SNX25: variants seen among roughly 807,000 people sequenced by gnomAD.
SNX25 encodes the protein sorting nexin 25.
SNX25 carries 62 observed loss-of-function variants against 113.7 expected under a neutral mutation model. The observed-to-expected ratio is 0.55, with a 90% CI of 0.44 to 0.67. The LOEUF (loss-of-function observed/expected upper bound fraction) is 0.67, where lower values mean the gene tolerates loss of function less well. Ranked by LOEUF, SNX25 falls within the 30% of genes least tolerant of loss-of-function variation. The pLI is 0.00. For synonymous variants in SNX25, 421 were observed against 436.2 expected (o/e 0.97, Z 0.43); for missense variants, 1,014 against 1,161.0 (o/e 0.87, Z 1.84).
intron 1 of SNX25, among the ~76,000 whole-genome samples, chr4:185,213,543 T>C (rs1738278141): frequency 6.6e-6 from 1 of 152,174 alleles, no homozygotes; most frequent in South Asian, 2.1e-4. Context: ...GCCAGCCTGC[T>C]GTTGGGGTTG....
rs956084111 is a variant in SNX25, at chr4:185,232,475, G to A, written c.430-14819G>A. Among the ~76,000 whole-genome samples, 14 of 152,014 alleles carry A rather than the reference G, an allele frequency of 9.2e-5. No homozygotes were observed. Among genetic ancestry groups the A allele is most frequent in the Non-Finnish European group, 1.5e-4 (10 of 68,030 alleles). Reference sequence around the variant, plus strand: ...TCATGACTTTCTAGGTGCATGAGCCGTGCAGTTTGTCATGTCCACAGGCCG... The same window carrying A: ...TCATGACTTTCTAGGTGCATGAGCCATGCAGTTTGTCATGTCCACAGGCCG... On this transcript the variant is annotated intron_variant, in intron 1 of 18. Transcript: ENST00000652585. This position sits in a 1 kb window ranked among gnomAD's most constrained non-coding sequence, Gnocchi z 4.4.
At position 185,334,503 on chromosome 4, in the gene SNX25, C is replaced by T. The variant is rs548449000; in HGVS notation, c.1914+1744C>T. ...GAAAGCCTGATAGTCTTCCCAGTGA[C>T]AAGAACATGTCTGAGATGATAAACA... On this transcript the variant is annotated intron_variant, in intron 10 of 18. Coordinates refer to ENST00000652585, the MANE Select transcript of SNX25 (RefSeq NM_001378034.2). This position sits in a 1 kb window ranked among gnomAD's most constrained non-coding sequence, Gnocchi z 4.2. 7.2e-5 allele frequency among the ~76,000 whole-genome samples: 11 copies of T among 152,316 alleles called. No homozygotes were observed. Among genetic ancestry groups the T allele is most frequent in the Admixed American group, 2.0e-4 (3 of 15,304 alleles).
chr4:185,341,943 T>C lies in SNX25; in HGVS notation c.2047-33T>C, dbSNP rs372047888. On this transcript the variant is annotated intron_variant, in intron 11 of 18. Transcript: ENST00000652585. ...CCTTCTGCATCCATTCACCATGCTTTTTGTAAGTATCGATTTTGATGTTTT... is the reference window on the plus strand; with the variant it reads ...CCTTCTGCATCCATTCACCATGCTTCTTGTAAGTATCGATTTTGATGTTTT... 3 of 1,557,254 alleles carry C rather than the reference T, an allele frequency of 1.9e-6. No homozygotes were observed. The African/African-American group carries it at 4.1e-5, about 21-fold the overall frequency.
intron 1 of SNX25, among the ~76,000 whole-genome samples, chr4:185,219,654 T>A (rs1189397487): frequency 6.6e-6 from 1 of 152,240 alleles, no homozygotes; most frequent in Non-Finnish European, 1.5e-5. Flanking sequence ...AGGCAGCATC[T>A]TCTTTTTTCT....
intron 7 of SNX25, among the ~76,000 whole-genome samples, chr4:185,311,439 G>A (rs1194805830): frequency 6.6e-6 from 1 of 152,176 alleles, no homozygotes; most frequent in African/African-American, 2.4e-5. Context: ...TTAGGGAAGT[G>A]TTTTAGCCCT....
chr4:185,293,587 C>T (rs1345622282), intron 6 of SNX25, among the ~76,000 whole-genome samples: 1 of 152,018 alleles, frequency 6.6e-6, no homozygotes, highest in African/African-American at 2.4e-5. Flanking sequence ...GTGTATGTTG[C>T]TAAGATGTTT....
downstream of SNX25, among the ~76,000 whole-genome samples, chr4:185,374,734 C>G (rs892978141): frequency 6.6e-6 from 1 of 152,154 alleles, no homozygotes; most frequent in Non-Finnish European, 1.5e-5. Flanking sequence ...TGATTTAAGT[C>G]TCGATATGGG....
chr4:185,213,810 G>A (rs1287885893), intron 1 of SNX25, among the ~76,000 whole-genome samples: 3 of 152,174 alleles, frequency 2.0e-5, no homozygotes, highest in Non-Finnish European at 4.4e-5. Context: ...TCTCACAGTG[G>A]AAAAGAGGAC....
At chr4:185,374,478 A>T (rs753634565), downstream of SNX25, 1 of 1,605,152 alleles carries the variant, frequency 6.2e-7, no homozygotes, top group South Asian at 1.1e-5. Flanking sequence ...CAAAAGAAAG[A>T]GCAAAAAAAC....
chr4:185,263,486 T>C (rs945051195), intron 3 of SNX25, among the ~76,000 whole-genome samples: 1 of 152,202 alleles, frequency 6.6e-6, no homozygotes, highest in African/African-American at 2.4e-5. Context: ...CACATTAGGA[T>C]AGAATTCCTT....
chr4:185,354,239 T>C lies in SNX25; in HGVS notation c.2584+637T>C, dbSNP rs143295393. Among the ~76,000 whole-genome samples, 246 of 152,358 alleles carry C rather than the reference T, an allele frequency of 1.6e-3. 1 individual carries two copies. In the East Asian group the frequency reaches 0.028, roughly 18 times the overall value. ...TCCATTGCCTTGTCACTAAAAGTTATACAGAAAACTGTTTTGCTTAGCACA... is the reference window on the plus strand; with the variant it reads ...TCCATTGCCTTGTCACTAAAAGTTACACAGAAAACTGTTTTGCTTAGCACA... On this transcript the variant is annotated intron_variant, in intron 15 of 18. Coordinates refer to ENST00000652585, the MANE Select transcript of SNX25 (RefSeq NM_001378034.2).
chr4:185,263,084 C>T (rs947432206), intron 3 of SNX25, among the ~76,000 whole-genome samples: 2 of 152,206 alleles, frequency 1.3e-5, no homozygotes, highest in African/African-American at 2.4e-5. Flanking sequence ...AGTATTTTCC[C>T]TAACTTAGCT....
chr4:185,342,430 T>C (rs1313859455), intron 12 of SNX25, among the ~76,000 whole-genome samples: 1 of 152,236 alleles, frequency 6.6e-6, no homozygotes, highest in Non-Finnish European at 1.5e-5. Flanking sequence ...TGAAATCAGT[T>C]GTGAGTTGCA....
intron 6 of SNX25, among the ~76,000 whole-genome samples, chr4:185,289,174 A>T (rs1007586432): frequency 6.6e-6 from 1 of 152,216 alleles, no homozygotes; most frequent in Non-Finnish European, 1.5e-5. Flanking sequence ...AGCAGTGTTT[A>T]CTGAGCACCT....
At chr4:185,330,445 A>T (rs2095186383) in intron 9 of SNX25, among the ~76,000 whole-genome samples, 2 of 152,126 alleles carry the variant, frequency 1.3e-5, no homozygotes, top group Non-Finnish European at 2.9e-5. Context: ...GTCAAGGGAA[A>T]CTTTAAAATG....
chr4:185,284,630 G>A (rs1472710211), intron 5 of SNX25, among the ~76,000 whole-genome samples: 1 of 152,186 alleles, frequency 6.6e-6, no homozygotes, highest in Non-Finnish European at 1.5e-5. Flanking sequence ...AAGTTGTGAA[G>A]GGAACGTAGG....
rs572995328 is a variant in SNX25 at position 185,232,274 on chromosome 4, C to A, written c.430-15020C>A. On this transcript the variant is annotated intron_variant, in intron 1 of 18. Transcript: ENST00000652585. This position sits in a 1 kb window ranked among gnomAD's most constrained non-coding sequence, Gnocchi z 4.4. The stretch of plus-strand genomic sequence containing the variant: ...AGCACACAAGTCCCCTTGCCCAGTT[C>A]CTCATTGGTCTAGTACTACGGGGTT... 6.6e-6 allele frequency among the ~76,000 whole-genome samples: 1 copy of A among 152,272 alleles called. No individual in the cohort carries two copies. The highest frequency in any genetic ancestry group is 6.5e-5 in the Admixed American group (1 of 15,288).
At chr4:185,314,229 C>T (rs2095052210) in intron 7 of SNX25, among the ~76,000 whole-genome samples, 1 of 148,134 alleles carries the variant, frequency 6.8e-6, no homozygotes, top group Non-Finnish European at 1.5e-5. Flanking sequence ...GGGGCTCATG[C>T]TGGTAATTCC....
Position 185,334,648 on chromosome 4 carries a change from A to G in SNX25, c.1914+1889A>G, listed in dbSNP as rs1448332619. Among the ~76,000 whole-genome samples the G allele has an allele frequency of 6.6e-6, 1 of 152,264 alleles. No homozygotes were observed. The highest frequency in any genetic ancestry group is 2.4e-5 in the African/African-American group (1 of 41,470). On this transcript the variant is annotated intron_variant, in intron 10 of 18. Transcript: ENST00000652585. This position sits in a 1 kb window ranked among gnomAD's most constrained non-coding sequence, Gnocchi z 4.2. ...TTAAAATGCATCTATGGGTAACAGTATGAAAGATGAGTTAGAGAATATTCA... is the reference window on the plus strand; with the variant it reads ...TTAAAATGCATCTATGGGTAACAGTGTGAAAGATGAGTTAGAGAATATTCA...
Sources: gnomAD v4.1 joint callset for allele counts (sites outside exome capture counted in the v4.1 genomes callset) on GRCh38, gnomAD v4.1.1 for gene constraint, Gnocchi (gnomAD v3.1) non-coding constraint, MANE v1.5 for transcripts, NCBI Gene and HGNC (gene_info 2026-07-23, HGNC 2026-07-21) for gene names.